The following DGLUCY variants were observed in gnomAD, a reference collection of about 807,000 sequenced individuals.
DGLUCY encodes the protein D-glutamate cyclase, mitochondrial.
A neutral mutation model predicts 58.5 loss-of-function variants in DGLUCY; 58 were observed. That is an observed-to-expected ratio of 0.99 (90% CI 0.80 to 1.23). The LOEUF is 1.23. DGLUCY is among the 50% of genes most tolerant of loss of function. The pLI is 0.00. For synonymous variants in DGLUCY, 325 were observed against 314.1 expected, an observed-to-expected ratio of 1.03 and a Z score of -0.37; for missense variants, 779 against 784.7, an observed-to-expected ratio of 0.99 and a Z score of 0.09.
chr14:91,165,373 G>C (rs1041015063), intron 3 of DGLUCY: 1 of 426,538 alleles, frequency 2.3e-6, no homozygotes, highest in African/African-American at 2.0e-5. Context: ...AGATGGGGAA[G>C]CTGAGGCTGA....
intron 1 of DGLUCY, among the ~76,000 whole-genome samples, chr14:91,151,800 G>A (rs561322671): frequency 3.3e-5 from 5 of 152,008 alleles, no homozygotes; most frequent in African/African-American, 7.2e-5. Flanking sequence ...AATTACAGGC[G>A]TGCGCCTCCA....
chr14:91,177,297 C>T (rs533591504), intron 7 of DGLUCY, among the ~76,000 whole-genome samples: 1 of 152,286 alleles, frequency 6.6e-6, no homozygotes, highest in South Asian at 2.1e-4. Flanking sequence ...ATTGCTTCAG[C>T]CGTTTTGATT....
At chr14:91,200,503 T>G (rs1324429768) in intron 11 of DGLUCY, among the ~76,000 whole-genome samples, 1 of 152,240 alleles carries the variant, frequency 6.6e-6, no homozygotes, top group African/African-American at 2.4e-5. Flanking sequence ...ATTATTTTGG[T>G]CATATAGGAC....
chr14:91,126,201 TG>T (rs1024350710), intron 1 of DGLUCY, among the ~76,000 whole-genome samples: 1 of 152,160 alleles, frequency 6.6e-6, no homozygotes, highest in African/African-American at 2.4e-5. Flanking sequence ...CTCACAGCTC[TG>T]GGGGGTAGGA....
At chr14:91,190,416 A>T (rs938315134) in intron 9 of DGLUCY, among the ~76,000 whole-genome samples, 1 of 152,178 alleles carries the variant, frequency 6.6e-6, no homozygotes, top group Non-Finnish European at 1.5e-5. Flanking sequence ...TGTTCGAGTG[A>T]TGATGCCATG....
chr14:91,163,051 A>G (rs1213511702), intron 3 of DGLUCY, among the ~76,000 whole-genome samples: 1 of 152,160 alleles, frequency 6.6e-6, no homozygotes, highest in Non-Finnish European at 1.5e-5. Flanking sequence ...TGAGGTCAGG[A>G]GTTCAAGATC....
intron 2 of DGLUCY, among the ~76,000 whole-genome samples, chr14:91,159,240 A>C (rs1292758188): frequency 6.6e-6 from 1 of 152,096 alleles, no homozygotes; most frequent in Non-Finnish European, 1.5e-5. Context: ...TGAGGCCAAG[A>C]GTTTGAGACC....
chr14:91,160,536 T>C, intron 3 of DGLUCY, 139 bp downstream of exon 3: 2 of 650,820 alleles, frequency 3.1e-6, no homozygotes, highest in Non-Finnish European at 2.6e-6. Context: ...CAGAATGATA[T>C]TAGCTCTGGT....
intron 11 of DGLUCY, among the ~76,000 whole-genome samples, chr14:91,203,006 G>A (rs2050668441): frequency 6.6e-6 from 1 of 152,184 alleles, no homozygotes; most frequent in South Asian, 2.1e-4. Flanking sequence ...TGGGCATAGT[G>A]CTCAATTGAG....
chr14:91,128,403 G>A (rs540013082), intron 1 of DGLUCY, among the ~76,000 whole-genome samples: 3 of 152,028 alleles, frequency 2.0e-5, no homozygotes, highest in Admixed American at 2.0e-4. Flanking sequence ...GCTGAAGTGG[G>A]AGGATCACTT....
intron 1 of DGLUCY, among the ~76,000 whole-genome samples, chr14:91,077,846 G>A (rs555931090): frequency 1.6e-4 from 24 of 150,838 alleles, no homozygotes; most frequent in Admixed American, 1.1e-3. Flanking sequence ...AAGGAAGAAA[G>A]AGAGGAATGA....
At chr14:91,183,439 A>G (rs549037865) in intron 8 of DGLUCY, among the ~76,000 whole-genome samples, 1 of 152,280 alleles carries the variant, frequency 6.6e-6, no homozygotes, top group African/African-American at 2.4e-5. Flanking sequence ...TGTGTGGTAA[A>G]TCCCTTTGTT....
At chr14:91,086,546 GA>G (rs2044223648) in intron 1 of DGLUCY, among the ~76,000 whole-genome samples, 2 of 151,612 alleles carry the variant, frequency 1.3e-5, no homozygotes, top group Non-Finnish European at 2.9e-5. Context: ...ATAATGACAA[GA>G]AAAAAAGCCT....
At chr14:91,093,277 T>A (rs1037179243) in intron 1 of DGLUCY, among the ~76,000 whole-genome samples, 1 of 152,122 alleles carries the variant, frequency 6.6e-6, no homozygotes, top group Non-Finnish European at 1.5e-5. Context: ...ATTTAACCCT[T>A]ACAGGATGTG....
intron 11 of DGLUCY, among the ~76,000 whole-genome samples, chr14:91,201,880 C>T (rs1325361573): frequency 1.3e-5 from 2 of 151,650 alleles, no homozygotes; most frequent in African/African-American, 2.4e-5. Context: ...TGGCACAACC[C>T]CGTCTCTATT....
chr14:91,182,642 TG>T (rs2049252994), intron 8 of DGLUCY, among the ~76,000 whole-genome samples: 3 of 152,172 alleles, frequency 2.0e-5, no homozygotes, highest in Non-Finnish European at 4.4e-5. Flanking sequence ...TTAGTGCCAT[TG>T]CCCTGGGGTT....
chr14:91,060,692 C>A (rs2043640982), exon 1 of DGLUCY: 1 of 367,612 alleles, frequency 2.7e-6, no homozygotes, highest in Non-Finnish European at 4.7e-6. Context: ...CCGCTCCGCC[C>A]ACAGCCAGCA....
chr14:91,115,014 T>C (rs1249091227), intron 1 of DGLUCY: 1 of 152,354 alleles, frequency 6.6e-6, no homozygotes, highest in Admixed American at 6.6e-5. Flanking sequence ...CGGGGGTCTC[T>C]TCTCTAGGAT....
At chr14:91,110,984 G>A (rs547302462), upstream of DGLUCY, among the ~76,000 whole-genome samples, 92 of 152,090 alleles carry the variant, frequency 6.0e-4, no homozygotes, top group African/African-American at 2.1e-3. Context: ...TCATATAAGC[G>A]AGATCGTATA....
Sources: allele counts gnomAD v4.1 joint callset (sites outside exome capture counted in the v4.1 genomes callset), GRCh38; gene constraint gnomAD v4.1.1; transcripts MANE v1.5; gene names NCBI Gene and HGNC (gene_info 2026-07-23, HGNC 2026-07-21).